Variants in CDC14C observed in about 807,000 individuals in gnomAD.
CDC14C encodes the protein cell division cycle 14C.
In CDC14C, 19 loss-of-function variants were observed where a neutral mutation model predicts 26.9. The ratio of observed to expected loss-of-function variants is 0.71; its 90% CI spans 0.49 to 1.04. The LOEUF is 1.04. CDC14C is among the 50% of genes least tolerant of loss of function. The probability of loss-of-function intolerance (pLI) is 0.00; values close to 1 mark genes in which losing one functional copy is unlikely to be tolerated. For missense variants in CDC14C, 423 were observed against 520.0 expected, an observed-to-expected ratio of 0.81 and a Z score of 1.81; for synonymous variants, 185 against 180.1, an observed-to-expected ratio of 1.03 and a Z score of -0.22.
chr7:48,924,671 AG>A lies in CDC14C; in HGVS notation c.-1del, dbSNP rs1481617140. ...TCTTTGACCTCGCAGGGTGTGAAGAAGATGCGCAGCTCCACGCTGCAGGACC... is the reference window on the plus strand; with the variant it reads ...TCTTTGACCTCGCAGGGTGTGAAGAAATGCGCAGCTCCACGCTGCAGGACC... On this transcript the variant is annotated 5_prime_UTR_variant, in exon 1 of 1. Transcript: ENST00000650262. The A allele has an allele frequency of 8.0e-6, 9 of 1,122,162 alleles. No homozygotes were observed. Among genetic ancestry groups the A allele is most frequent in the Non-Finnish European group, 1.2e-5 (9 of 732,470 alleles). 69.5% of individuals were successfully genotyped at this position (1,122,162 alleles called of 1,614,324 possible).
In CDC14C at chr7:48,924,605, G is replaced by T. The variant is rs922186971; in HGVS notation, c.-68G>T. On this transcript the variant is annotated 5_prime_UTR_variant, in exon 1 of 1. Transcript: ENST00000650262. Reference sequence around the variant, plus strand: ...TCCAGGAAGCGGAAAAGCAAGGGGCGGTCGAGCTGGGCCGCCGCGCCCCAC... The same window carrying T: ...TCCAGGAAGCGGAAAAGCAAGGGGCTGTCGAGCTGGGCCGCCGCGCCCCAC... The T allele has an allele frequency of 1.1e-5, 10 of 872,744 alleles. No individual in the cohort carries two copies. In the African/African-American group the frequency reaches 1.8e-4, roughly 16 times the overall value. 54.1% of individuals were successfully genotyped at this position (872,744 alleles called of 1,614,324 possible). A position where few individuals can be genotyped will look rare whatever the true frequency, so the allele number is the denominator to read the frequency against.
rs928384771 is a variant in CDC14C, at chr7:48,924,681, C to T, written c.9C>T (p.Ser3=). The T allele has an allele frequency of 2.6e-6, 3 of 1,140,418 alleles. No individual in the cohort carries two copies. Among genetic ancestry groups the T allele is most frequent in the Non-Finnish European group, 4.0e-6 (3 of 748,604 alleles). The allele number at this position is 1,140,418 out of a possible 1,614,324, so 70.6% of individuals were successfully genotyped here. Residue 3 remains serine, a synonymous_variant, in exon 1 of 1, where the codon AGC becomes AGT. Transcript: ENST00000650262. ...CGCAGGGTGTGAAGAAGATGCGCAGCTCCACGCTGCAGGACCCGCGCCGCC... is the reference window on the plus strand; with the variant it reads ...CGCAGGGTGTGAAGAAGATGCGCAGTTCCACGCTGCAGGACCCGCGCCGCC... The part of the protein sequence containing the change: MR[S]STLQDPRRRD...
chr7:48,925,369 C>G lies in CDC14C; in HGVS notation c.697C>G (p.Leu233Val), dbSNP rs776402495. The change falls in exon 1 of 1, where the codon CTG (leucine) becomes GTG (valine). Residue 233 changes from leucine (L) to valine (V), a missense_variant. By Grantham distance (32) the Leu-to-Val change is conservative (BLOSUM62 1). This residue lies in a region of CDC14C where 310 missense variants were observed against 356.8 expected (regional missense o/e 0.87). Coordinates refer to ENST00000650262, the MANE Select transcript of CDC14C (RefSeq NM_152627.3). ...KNHNVTTIIR[L>V]NKRMYDAKRF... ...TCACAATGTTACTACCATTATTCGTCTGAATAAAAGGATGTATGATGCCAA... is the reference window on the plus strand; with the variant it reads ...TCACAATGTTACTACCATTATTCGTGTGAATAAAAGGATGTATGATGCCAA... The G allele has an allele frequency of 7.5e-6, 12 of 1,609,658 alleles. No homozygotes were observed. In the East Asian group the frequency reaches 2.7e-4, roughly 36 times the overall value.
rs566597575 is a variant in CDC14C, at chr7:48,924,627, C to A, written c.-46C>A. 6.9e-6 allele frequency: 7 copies of A among 1,009,532 alleles called. No individual in the cohort carries two copies. Among genetic ancestry groups the A allele is most frequent in the Admixed American group, 3.6e-5 (2 of 55,352 alleles). 62.5% of individuals were successfully genotyped at this position (1,009,532 alleles called of 1,614,324 possible). On this transcript the variant is annotated 5_prime_UTR_variant, in exon 1 of 1. Coordinates refer to ENST00000650262, the MANE Select transcript of CDC14C (RefSeq NM_152627.3). ...GGCGGTCGAGCTGGGCCGCCGCGCC[C>A]CACTGCTCGCCGCGCTGCTCTTTGA...
chr7:48,925,552 C>T lies in CDC14C; in HGVS notation c.880C>T (p.Leu294=), dbSNP rs778575448. The change falls in exon 1 of 1, where the codon CTG becomes TTG. Residue 294 remains leucine, a synonymous_variant. Transcript: ENST00000650262. The part of the protein sequence containing the change: ...CKAGLGRTGT[L]IACYIMKHYR... ...AGCTGGCCTTGGTCGCACAGGCACTCTGATAGCCTGCTACATCATGAAGCA... is the reference window on the plus strand; with the variant it reads ...AGCTGGCCTTGGTCGCACAGGCACTTTGATAGCCTGCTACATCATGAAGCA... The T allele has an allele frequency of 3.2e-6, 5 of 1,554,548 alleles. No individual in the cohort carries two copies. In the African/African-American group the frequency reaches 6.8e-5, roughly 21 times the overall value.
chr7:48,926,565 C>G lies in CDC14C; in HGVS notation c.*549C>G, dbSNP rs189429367. Among the ~76,000 whole-genome samples the G allele has an allele frequency of 6.6e-6, 1 of 152,066 alleles. No individual in the cohort carries two copies. Among genetic ancestry groups the G allele is most frequent in the Non-Finnish European group, 1.5e-5 (1 of 68,024 alleles). On this transcript the variant is annotated 3_prime_UTR_variant, in exon 1 of 1. Coordinates refer to ENST00000650262, the MANE Select transcript of CDC14C (RefSeq NM_152627.3). ...AGGCATAGGTTGGGCTAGTTAACTGCGGCAGGAGCACGTCCTTAAGGCACA... is the reference window on the plus strand; with the variant it reads ...AGGCATAGGTTGGGCTAGTTAACTGGGGCAGGAGCACGTCCTTAAGGCACA...
rs1409711741 is a variant in CDC14C at position 48,925,188 on chromosome 7, T to A, written c.516T>A (p.Leu172=). ...YGFLNFNSFN[L]DEYEHYEKAE... is the part of the protein sequence containing the mutation. ...TCCTTAATTTCAACTCATTTAACCT[T>A]GATGAATATGAACACTATGAAAAAG... Residue 172 remains leucine, a synonymous_variant, in exon 1 of 1, where the codon CTT becomes CTA. Coordinates refer to ENST00000650262, the MANE Select transcript of CDC14C (RefSeq NM_152627.3). 3 of 1,543,494 alleles carry A rather than the reference T, an allele frequency of 1.9e-6. No individual in the cohort carries two copies. In the Admixed American group the frequency reaches 5.0e-5, roughly 26 times the overall value.
Position 48,924,782 on chromosome 7 carries a change from G to A in CDC14C, c.110G>A (p.Ser37Asn). ...RFAILYSRPK[S>N]ASNVHYFSID... ...GCCATTCTCTACAGCAGACCAAAGA[G>A]TGCATCAAATGTACATTATTTCAGC... is the stretch of plus-strand genomic sequence containing the variant. Residue 37 changes from serine to asparagine, a missense_variant, in exon 1 of 1, where the codon AGT becomes AAT. Around this residue, in one of 3 missense-constraint regions of CDC14C, gnomAD observed 310 missense variants for 356.8 expected, o/e 0.87. Coordinates refer to ENST00000650262, the MANE Select transcript of CDC14C (RefSeq NM_152627.3). 1.4e-6 allele frequency: 2 copies of A among 1,398,456 alleles called. No homozygotes were observed. Among genetic ancestry groups the A allele is most frequent in the Middle Eastern group, 1.8e-4 (1 of 5,674 alleles). The allele number at this position is 1,398,456 out of a possible 1,614,324, so 86.6% of individuals were successfully genotyped here.
In CDC14C at chr7:48,926,625, C is replaced by T. The variant is rs1251396391; in HGVS notation, c.*609C>T. ...TGCTATTGTTTGTGGCTTAAGAATGCCTTTAAGCAGTTTTCCACTCTGGGC... is the reference window on the plus strand; with the variant it reads ...TGCTATTGTTTGTGGCTTAAGAATGTCTTTAAGCAGTTTTCCACTCTGGGC... On this transcript the variant is annotated 3_prime_UTR_variant, in exon 1 of 1. Coordinates refer to ENST00000650262, the MANE Select transcript of CDC14C (RefSeq NM_152627.3). Among the ~76,000 whole-genome samples, 1 of 152,002 alleles carries T rather than the reference C, an allele frequency of 6.6e-6. No homozygotes were observed. Among genetic ancestry groups the T allele is most frequent in the Non-Finnish European group, 1.5e-5 (1 of 68,022 alleles).
In CDC14C at chr7:48,925,807, G is replaced by T. The variant is rs1236425903; in HGVS notation, c.1135G>T (p.Asp379Tyr). 1 of 865,410 alleles carries T rather than the reference G, an allele frequency of 1.2e-6. No homozygotes were observed. 53.6% of individuals were successfully genotyped at this position (865,410 alleles called of 1,614,324 possible). A position where few individuals can be genotyped will look rare whatever the true frequency, so the allele number is the denominator to read the frequency against. ...DISINGVENQ[D>Y]QQEPKPYSDD... is the part of the protein sequence containing the mutation. Reference sequence around the variant, plus strand: ...TTCCATAAATGGGGTCGAGAATCAAGACCAGCAAGAACCCAAACCTTACAG... The same window carrying T: ...TTCCATAAATGGGGTCGAGAATCAATACCAGCAAGAACCCAAACCTTACAG... The change falls in exon 1 of 1, where the codon GAC becomes TAC. Residue 379 changes from aspartate to tyrosine, a missense_variant. Physicochemically the swap from Asp to Tyr is radical, Grantham distance 160 (BLOSUM62 -3). Coordinates refer to ENST00000650262, the MANE Select transcript of CDC14C (RefSeq NM_152627.3).
rs1412264525 is a variant in CDC14C, at chr7:48,926,532, C to G, written c.*516C>G. Among the ~76,000 whole-genome samples the G allele has an allele frequency of 6.6e-6, 1 of 152,018 alleles. No individual in the cohort carries two copies. Among genetic ancestry groups the G allele is most frequent in the African/African-American group, 2.4e-5 (1 of 41,394 alleles). On this transcript the variant is annotated 3_prime_UTR_variant, in exon 1 of 1. Transcript: ENST00000650262. ...CCTTATGGGAAACGAAGGGATGGGC[C>G]TAATTAAAGGCATAGGTTGGGCTAG...
rs1798898718 is a variant in CDC14C at position 48,926,757 on chromosome 7, A to G, written c.*741A>G. On this transcript the variant is annotated 3_prime_UTR_variant, in exon 1 of 1. Transcript: ENST00000650262. Reference sequence around the variant, plus strand: ...TTACAGTGCTGCAGAGATTTTATTTATGGCCAGTTTTGGGGCCAGTTTATG... The same window carrying G: ...TTACAGTGCTGCAGAGATTTTATTTGTGGCCAGTTTTGGGGCCAGTTTATG... Among the ~76,000 whole-genome samples, 1 of 151,092 alleles carries G rather than the reference A, an allele frequency of 6.6e-6. No individual in the cohort carries two copies. The highest frequency in any genetic ancestry group is 2.1e-4 in the South Asian group (1 of 4,754).
At position 48,924,903 on chromosome 7, in the gene CDC14C, A is replaced by G. The variant is rs750039105; in HGVS notation, c.231A>G (p.Lys77=). 1.3e-5 allele frequency: 19 copies of G among 1,417,476 alleles called. No individual in the cohort carries two copies. The highest frequency in any genetic ancestry group is 1.7e-5 in the Non-Finnish European group (17 of 1,000,190). The allele number at this position is 1,417,476 out of a possible 1,614,324, so 87.8% of individuals were successfully genotyped here. Residue 77 remains lysine, a synonymous_variant, in exon 1 of 1, where the codon AAA becomes AAG. Transcript: ENST00000650262. ...GATATTGTTGCAAGATAAATAAGAA[A>G]TTAAAGTCCATTACAATGTTAAGGA... ...VYRYCCKINK[K]LKSITMLRKK...
chr7:48,927,037 C>T lies in CDC14C; in HGVS notation c.*1021C>T, dbSNP rs929806196. Among the ~76,000 whole-genome samples, 1 of 151,990 alleles carries T rather than the reference C, an allele frequency of 6.6e-6. No homozygotes were observed. The highest frequency in any genetic ancestry group is 2.4e-5 in the African/African-American group (1 of 41,342). On this transcript the variant is annotated 3_prime_UTR_variant, in exon 1 of 1. Transcript: ENST00000650262. ...ATTTATTTTCTGTTCAGCTTGTGAC[C>T]CTGTGTCAAAATTTGTAAAGATACA...
At position 48,925,763 on chromosome 7, in the gene CDC14C, T is replaced by A. The variant is rs1798876496; in HGVS notation, c.1091T>A (p.Leu364His). The change falls in exon 1 of 1, where the codon CTC becomes CAC. Residue 364 changes from leucine (L) to histidine (H), a missense_variant. Around this residue, in one of 3 missense-constraint regions of CDC14C, gnomAD observed 91 missense variants for 94.2 expected, o/e 0.97. Coordinates refer to ENST00000650262, the MANE Select transcript of CDC14C (RefSeq NM_152627.3). ...GQHRAAFSKL[L>H]SGVDDISING... Reference sequence around the variant, plus strand: ...CACAGAGCAGCCTTCTCCAAACTTCTCTCTGGTGTTGATGACATTTCCATA... The same window carrying A: ...CACAGAGCAGCCTTCTCCAAACTTCACTCTGGTGTTGATGACATTTCCATA... 1 of 999,844 alleles carries A rather than the reference T, an allele frequency of 1.0e-6. No individual in the cohort carries two copies. The highest frequency in any genetic ancestry group is 1.6e-5 in the African/African-American group (1 of 63,320). The allele number at this position is 999,844 out of a possible 1,614,324, so 61.9% of individuals were successfully genotyped here.
At position 48,925,912 on chromosome 7, in the gene CDC14C, G is replaced by A. The variant is rs537491858; in HGVS notation, c.1240G>A (p.Asp414Asn). 784 of 788,510 alleles carry A rather than the reference G, an allele frequency of 9.9e-4. No individual in the cohort carries two copies. The highest frequency in any genetic ancestry group is 3.6e-4 in the Non-Finnish European group (156 of 428,428). The allele number at this position is 788,510 out of a possible 1,614,324, so 48.8% of individuals were successfully genotyped here. ...LKRRRQSKTN[D>N]ILLPSPLAVL... ...AAGGCGAAGACAATCAAAAACAAAC[G>A]ATATTCTTCTCCCATCTCCCCTGGC... is the stretch of plus-strand genomic sequence containing the variant. Residue 414 changes from aspartate to asparagine, a missense_variant, in exon 1 of 1, where the codon GAT becomes AAT. Physicochemically the swap from Asp to Asn is conservative, Grantham distance 23. Coordinates refer to ENST00000650262, the MANE Select transcript of CDC14C (RefSeq NM_152627.3).
chr7:48,926,574 C>G lies in CDC14C; in HGVS notation c.*558C>G, dbSNP rs1798893762. ...TTGGGCTAGTTAACTGCGGCAGGAG[C>G]ACGTCCTTAAGGCACAGATGGCTCA... On this transcript the variant is annotated 3_prime_UTR_variant, in exon 1 of 1. Transcript: ENST00000650262. Among the ~76,000 whole-genome samples, 1 of 152,136 alleles carries G rather than the reference C, an allele frequency of 6.6e-6. No homozygotes were observed. Among genetic ancestry groups the G allele is most frequent in the South Asian group, 2.1e-4 (1 of 4,820 alleles).
rs371246223 is a variant in CDC14C, at chr7:48,925,440, G to A, written c.768G>A (p.Ala256=). The change falls in exon 1 of 1, where the codon GCG becomes GCA. Residue 256 remains alanine (A), a synonymous_variant. Transcript: ENST00000650262. ...TCGATCACCATGATCTTTTCTTTGC[G>A]GATGGCAGCACCCCTACTGATGCCA... ...AGFDHHDLFF[A]DGSTPTDAIV... The A allele has an allele frequency of 2.4e-4, 392 of 1,607,346 alleles. No individual in the cohort carries two copies. Among genetic ancestry groups the A allele is most frequent in the East Asian group, 7.6e-4 (34 of 44,646 alleles).
In CDC14C at chr7:48,924,910, T is replaced by C. The variant is rs758272382; in HGVS notation, c.238T>C (p.Ser80Pro). 1.4e-5 allele frequency: 20 copies of C among 1,427,442 alleles called. No individual in the cohort carries two copies. In the East Asian group the frequency reaches 2.5e-4, roughly 18 times the overall value. 88.4% of individuals were successfully genotyped at this position (1,427,442 alleles called of 1,614,324 possible). A position where few individuals can be genotyped will look rare whatever the true frequency, so the allele number is the denominator to read the frequency against. The change falls in exon 1 of 1, where the codon TCC (serine) becomes CCC (proline). Residue 80 changes from serine (S) to proline (P), a missense_variant. Around this residue, in one of 3 missense-constraint regions of CDC14C, gnomAD observed 310 missense variants for 356.8 expected, o/e 0.87. Transcript: ENST00000650262. ...TTGCAAGATAAATAAGAAATTAAAG[T>C]CCATTACAATGTTAAGGAAGAAAAT... ...YCCKINKKLK[S>P]ITMLRKKIVH... is the part of the protein sequence containing the mutation.
Sources: allele counts gnomAD v4.1 joint callset (sites outside exome capture counted in the v4.1 genomes callset), GRCh38; gene constraint gnomAD v4.1.1; regional missense constraint gnomAD v4.1.1; transcripts MANE v1.5; gene names NCBI Gene and HGNC (gene_info 2026-07-23, HGNC 2026-07-21).